The following GLT8D2 variants were observed in gnomAD, a reference collection of about 807,000 sequenced individuals.
GLT8D2 encodes the protein glycosyltransferase 8 domain containing 2, also known as glycosyltransferase 8 domain-containing protein 2.
Under a neutral mutation model 44.5 loss-of-function variants are expected in GLT8D2, and 45 were observed. That is an observed-to-expected ratio of 1.01 (90% CI 0.80 to 1.30). GLT8D2 has a LOEUF of 1.30. Ranked by LOEUF, GLT8D2 falls within the 50% of genes most tolerant of loss-of-function variation. GLT8D2 has a pLI of 0.00. For missense variants in GLT8D2, 400 were observed against 430.4 expected (o/e 0.93, Z 0.62); for synonymous variants, 156 against 157.2 (o/e 0.99, Z 0.06).
At chr12:104,036,459 G>A (rs1190223854) in intron 1 of GLT8D2, among the ~76,000 whole-genome samples, 1 of 152,126 alleles carries the variant, frequency 6.6e-6, no homozygotes, top group African/African-American at 2.4e-5. Context: ...TAAAGGGATG[G>A]AGGAAGATCT....
At chr12:104,044,448 C>T (rs1880876199) in intron 1 of GLT8D2, among the ~76,000 whole-genome samples, 1 of 152,180 alleles carries the variant, frequency 6.6e-6, no homozygotes. Flanking sequence ...CCTCAGAAAA[C>T]ATTTATGGAC....
At chr12:104,013,014 C>T (rs1215664509) in intron 4 of GLT8D2, among the ~76,000 whole-genome samples, 1 of 152,210 alleles carries the variant, frequency 6.6e-6, no homozygotes, top group Non-Finnish European at 1.5e-5. Context: ...AGAGAAAATA[C>T]ATTTCTATGG....
At chr12:103,998,463 G>A (rs142540394) in intron 6 of GLT8D2, among the ~76,000 whole-genome samples, 23 of 152,014 alleles carry the variant, frequency 1.5e-4, no homozygotes, top group Non-Finnish European at 3.2e-4. Context: ...AGGCTGGAGT[G>A]CAATAGTGCA....
At chr12:103,997,371 AT>A (rs1380993208) in intron 7 of GLT8D2, 79 bp downstream of exon 7, 2 of 1,006,518 alleles carry the variant, frequency 2.0e-6, no homozygotes, top group African/African-American at 1.6e-5. Context: ...ACAATTAGTT[AT>A]TTGAAAAATG....
chr12:103,998,185 A>G (rs1175297393), intron 6 of GLT8D2, among the ~76,000 whole-genome samples: 2 of 152,124 alleles, frequency 1.3e-5, no homozygotes, highest in Non-Finnish European at 2.9e-5. Context: ...AATCATATGT[A>G]GAAGGTGGCT....
intron 1 of GLT8D2, among the ~76,000 whole-genome samples, chr12:104,021,884 A>G (rs1877720544): frequency 1.0e-4 from 1 of 10,040 alleles, no homozygotes; most frequent in South Asian, 3.3e-3. Flanking sequence ...AAGAAGAAGA[A>G]GAAGAAGAAG....
Position 104,046,881 on chromosome 12 carries a change from G to A in GLT8D2, c.-164+3014C>T, listed in dbSNP as rs577789468. Among the ~76,000 whole-genome samples the A allele has an allele frequency of 2.6e-5, 4 of 151,984 alleles. No homozygotes were observed. The East Asian group carries it at 7.8e-4, about 29-fold the overall frequency. ...ACTCTATCACCTAGGCTGGAGTGTG[G>A]TGGCATGATCGTAGCTTACTATAGC... On this transcript the variant is annotated intron_variant, in intron 1 of 10. Coordinates refer to ENST00000360814, the MANE Select transcript of GLT8D2 (RefSeq NM_001384711.1).
At chr12:104,062,983 T>A (rs1882804560) in intron 1 of GLT8D2, among the ~76,000 whole-genome samples, 1 of 152,202 alleles carries the variant, frequency 6.6e-6, no homozygotes. Context: ...TACTGTGAAC[T>A]GCCCATAGGA....
rs1566202777 is a variant in GLT8D2, at chr12:104,022,023, A to AAGAAG, written c.-163-533_-163-532insCTTCT. Among the ~76,000 whole-genome samples, 62 of 27,342 alleles carry AAGAAG rather than the reference A, an allele frequency of 2.3e-3. 18 individuals are homozygous for AAGAAG. The highest frequency in any genetic ancestry group is 2.7e-3 in the East Asian group (2 of 738). 17.9% of individuals were successfully genotyped at this position (27,342 alleles called of 152,430 possible). On this transcript the variant is annotated intron_variant, in intron 1 of 10. Coordinates refer to ENST00000360814, the MANE Select transcript of GLT8D2 (RefSeq NM_001384711.1). Reference sequence around the variant, plus strand: ...AGAAGAAGAAGAAGAAGAAGAAGAAAAAGAAGAAGAAGAAGAAGAAGAAGA... The same window carrying AAGAAG: ...AGAAGAAGAAGAAGAAGAAGAAGAAAAGAAGAAGAAGAAGAAGAAGAAGAAGAAGA...
chr12:104,045,265 C>G (rs561938333), intron 1 of GLT8D2, among the ~76,000 whole-genome samples: 151 of 152,326 alleles, frequency 9.9e-4, no homozygotes, highest in African/African-American at 3.5e-3. Flanking sequence ...ATCTCATCAG[C>G]CTTCCTGCTA....
At position 104,046,861 on chromosome 12, in the gene GLT8D2, A is replaced by G. The variant is rs192191990; in HGVS notation, c.-164+3034T>C. Among the ~76,000 whole-genome samples the G allele has an allele frequency of 5.7e-3, 868 of 151,870 alleles. 3 individuals are homozygous for G. The highest frequency in any genetic ancestry group is 0.01 in the Non-Finnish European group (682 of 67,932). ...TTTTTTTTTGACAGGGTCTTACTCT[A>G]TCACCTAGGCTGGAGTGTGGTGGCA... On this transcript the variant is annotated intron_variant, in intron 1 of 10. Coordinates refer to ENST00000360814, the MANE Select transcript of GLT8D2 (RefSeq NM_001384711.1).
chr12:104,035,159 T>C (rs1198357754), intron 1 of GLT8D2, among the ~76,000 whole-genome samples: 1 of 152,186 alleles, frequency 6.6e-6, no homozygotes, highest in Non-Finnish European at 1.5e-5. Flanking sequence ...ATCTCAGTTG[T>C]AGGTCACCAA....
chr12:103,993,784 G>A lies in GLT8D2; in HGVS notation c.768-280C>T, dbSNP rs1255266614. 4 of 293,746 alleles carry A rather than the reference G, an allele frequency of 1.4e-5. No individual in the cohort carries two copies. The South Asian group carries it at 2.8e-4, about 20-fold the overall frequency. 18.2% of individuals were successfully genotyped at this position (293,746 alleles called of 1,614,324 possible). On this transcript the variant is annotated intron_variant, in intron 9 of 10. Transcript: ENST00000360814. ...ATAGTAGACACAGGAGATCAAATTC[G>A]AATCCTACATTATTTAGAATAACTT...
chr12:104,021,950 A>AGAG (rs1566202533), intron 1 of GLT8D2, among the ~76,000 whole-genome samples: 8 of 25,596 alleles, frequency 3.1e-4, no homozygotes, highest in Non-Finnish European at 5.1e-4. Context: ...AAGAAGAAGA[A>AGAG]GAAGAGGAAG....
chr12:104,031,166 C>A, intron 1 of GLT8D2: 1 of 1,605,718 alleles, frequency 6.2e-7, no homozygotes, highest in Non-Finnish European at 8.5e-7. Flanking sequence ...GGAGCCCGAC[C>A]ATCCTTTCTA....
At position 103,996,772 on chromosome 12, in the gene GLT8D2, G is replaced by A; in HGVS notation, c.563C>T (p.Pro188Leu). The change falls in exon 8 of 11, where the codon CCC (proline) becomes CTC (leucine). Residue 188 changes from proline (P) to leucine (L), a missense_variant. Physicochemically the swap from Pro to Leu is moderately conservative, Grantham distance 98. Coordinates refer to ENST00000360814, the MANE Select transcript of GLT8D2 (RefSeq NM_001384711.1). ...AAAFSDDCDL[P>L]SAQDINRLVG... ...GAGTCTGTTTATGTCCTGAGCAGAG[G>A]GCAAATCGCAGTCATCTGAGAAAGC... 8 of 1,614,118 alleles carry A rather than the reference G, an allele frequency of 5.0e-6. 1 individual carries two copies. The highest frequency in any genetic ancestry group is 1.7e-4 in the Middle Eastern group (1 of 6,038).
chr12:104,031,597 C>A, intron 1 of GLT8D2: 1 of 1,593,940 alleles, frequency 6.3e-7, no homozygotes, highest in Non-Finnish European at 8.6e-7. Flanking sequence ...CCATCTTGTC[C>A]CTCTGCCCCT....
intron 3 of GLT8D2, among the ~76,000 whole-genome samples, chr12:104,016,648 GAGAAAGAA>G (rs201450994): frequency 1.5e-5 from 2 of 132,814 alleles, no homozygotes; most frequent in African/African-American, 2.9e-5. Context: ...GAAAGAAGGA[GAGAAAGAA>G]AGAAAGAAAG....
intron 1 of GLT8D2, among the ~76,000 whole-genome samples, chr12:104,062,448 C>T (rs907436938): frequency 1.3e-5 from 2 of 151,938 alleles, no homozygotes; most frequent in African/African-American, 4.8e-5. Context: ...GAGAAGCATG[C>T]TGAGGTTTAA....
Sources: allele counts gnomAD v4.1 joint callset (sites outside exome capture counted in the v4.1 genomes callset), GRCh38; gene constraint gnomAD v4.1.1; transcripts MANE v1.5; gene names NCBI Gene and HGNC (gene_info 2026-07-23, HGNC 2026-07-21).